Variants in ASAH1 observed in about 807,000 individuals in gnomAD.
The protein encoded by ASAH1 is N-acylsphingosine amidohydrolase 1.
Under a neutral mutation model 59.5 loss-of-function variants are expected in ASAH1, and 70 were observed. The observed-to-expected ratio is 1.18, with a 90% CI of 0.97 to 1.43. The LOEUF (loss-of-function observed/expected upper bound fraction) is 1.43. Among genes scored for constraint, ASAH1 ranks in the 40% most tolerant of loss-of-function variants. The pLI, the probability that ASAH1 is intolerant of heterozygous loss-of-function variation, is 0.00. For missense variants in ASAH1, 660 were observed against 482.5 expected, an observed-to-expected ratio of 1.37 and a Z score of -3.45; for synonymous variants, 213 against 166.5, an observed-to-expected ratio of 1.28 and a Z score of -2.15.
At chr8:18,059,140 A>G in intron 12 of ASAH1, 1 of 800,964 alleles carries the variant, frequency 1.2e-6, no homozygotes, top group East Asian at 2.6e-5. Context: ...GGTATCCAGC[A>G]TTAGAACCAG....
chr8:18,079,204 T>C (rs935402490), intron 1 of ASAH1, among the ~76,000 whole-genome samples: 26 of 140,112 alleles, frequency 1.9e-4, no homozygotes, highest in African/African-American at 7.0e-4. Flanking sequence ...AGCCGGGAGG[T>C]GGAAGTTGCA....
chr8:18,069,059 T>G (rs1800049170), intron 4 of ASAH1, among the ~76,000 whole-genome samples: 2 of 149,430 alleles, frequency 1.3e-5, no homozygotes, highest in South Asian at 4.2e-4. Context: ...AAGGATCCCT[T>G]GAGCCTGGGA....
chr8:18,063,602 A>G (rs961059632), intron 6 of ASAH1: 2 of 208,826 alleles, frequency 9.6e-6, no homozygotes, highest in Non-Finnish European at 1.9e-5. Flanking sequence ...TACAGGTGTA[A>G]GCCACTGTGC....
rs1800156749 is a variant in ASAH1, at chr8:18,071,234, T to C, written c.216+66A>G. Reference sequence around the variant, plus strand: ...AACAAAAAAAAAATCAATCAATAAATAAAAATAAAGAAATAAAATAAAAAA... The same window carrying C: ...AACAAAAAAAAAATCAATCAATAAACAAAAATAAAGAAATAAAATAAAAAA... On this transcript the variant is annotated intron_variant, in intron 3 of 13. Coordinates refer to ENST00000637790, the MANE Select transcript of ASAH1 (RefSeq NM_177924.5). 7.0e-6 allele frequency: 6 copies of C among 863,252 alleles called. No individual in the cohort carries two copies. The South Asian group carries it at 9.5e-5, about 14-fold the overall frequency. 53.5% of individuals were successfully genotyped at this position (863,252 alleles called of 1,614,324 possible).
chr8:18,062,511 GCTTT>G (rs1799749603), intron 7 of ASAH1, 88 bp from the exon 8 acceptor site: 1 of 1,429,828 alleles, frequency 7.0e-7, no homozygotes, highest in Admixed American at 1.7e-5. Context: ...TACACTAGGA[GCTTT>G]ATTTACCGAG....
At chr8:18,069,087 G>C (rs1176598584) in intron 4 of ASAH1, among the ~76,000 whole-genome samples, 2 of 149,252 alleles carry the variant, frequency 1.3e-5, no homozygotes, top group East Asian at 2.0e-4. Flanking sequence ...GCAGCTGTGA[G>C]CTATGATCAT....
At chr8:18,058,642 G>A in intron 13 of ASAH1, 193 bp downstream of exon 13, 1 of 607,856 alleles carries the variant, frequency 1.6e-6, no homozygotes, top group South Asian at 2.0e-5. Context: ...GACCTATCAA[G>A]CCTCAGTGAT....
chr8:18,062,608 A>T, intron 7 of ASAH1, 185 bp from the exon 8 acceptor site: 1 of 658,538 alleles, frequency 1.5e-6, no homozygotes, highest in Non-Finnish European at 2.6e-6. Flanking sequence ...GGTTCAGAGA[A>T]GTCAGGTAAC....
chr8:18,078,458 G>C (rs1193088125), intron 1 of ASAH1, among the ~76,000 whole-genome samples: 1 of 152,166 alleles, frequency 6.6e-6, no homozygotes, highest in African/African-American at 2.4e-5. Context: ...CAGAAAATAA[G>C]AAAGTTGGCA....
upstream of ASAH1, chr8:18,084,708 G>C (rs544358323): frequency 1.5e-5 from 25 of 1,613,774 alleles, no homozygotes; most frequent in Middle Eastern, 1.6e-4. Context: ...CCAAATCCCA[G>C]AATTGAGGCC....
At position 18,059,618 on chromosome 8, in the gene ASAH1, C is replaced by A; in HGVS notation, c.871G>T (p.Gly291Cys). ...FILGGNQSGEGCVITRDRKES... is the reference protein window; with the variant it reads ...FILGGNQSGECCVITRDRKES... ...TTTCTGTCTCGTGTAATCACACAACCTTCCCCAGACTGGTTGCCTCCCAGG... is the reference window on the plus strand; with the variant it reads ...TTTCTGTCTCGTGTAATCACACAACATTCCCCAGACTGGTTGCCTCCCAGG... The change falls in exon 11 of 14, where the codon GGT becomes TGT. Residue 291 changes from glycine to cysteine, a missense_variant. Transcript: ENST00000637790. 1 of 1,614,208 alleles carries A rather than the reference C, an allele frequency of 6.2e-7. No individual in the cohort carries two copies. Among genetic ancestry groups the A allele is most frequent in the Non-Finnish European group, 8.5e-7 (1 of 1,180,036 alleles).
intron 3 of ASAH1, 86 bp downstream of exon 3, chr8:18,071,214 A>AC: frequency 1.3e-6 from 1 of 786,920 alleles, no homozygotes; most frequent in South Asian, 3.4e-5. Flanking sequence ...CTCAAAACAA[A>AC]AAAAAAATCA....
upstream of ASAH1, chr8:18,084,135 C>A (rs1800789243): frequency 6.3e-7 from 1 of 1,576,124 alleles, no homozygotes; most frequent in African/African-American, 1.3e-5. Context: ...GCAGGCCACG[C>A]CCCCTCCGCC....
intron 6 of ASAH1, chr8:18,063,570 C>T (rs545857138): frequency 1.3e-4 from 34 of 253,230 alleles, no homozygotes; most frequent in Non-Finnish European, 1.2e-4. Flanking sequence ...TCGCCCGCCT[C>T]GGCCTCGCAA....
At chr8:18,069,565 T>C (rs779935821) in intron 4 of ASAH1, 34 of 459,360 alleles carry the variant, frequency 7.4e-5, no homozygotes, top group Middle Eastern at 1.2e-3. Flanking sequence ...ATTTGCCCAA[T>C]GTCGTAATGT....
At position 18,081,586 on chromosome 8, in the gene ASAH1, T is replaced by G. The variant is rs1210776984; in HGVS notation, c.78+2395A>C. On this transcript the variant is annotated intron_variant, in intron 1 of 13. Transcript: ENST00000637790. ...TCTTCACCATCATCTCTTAATAGAC[T>G]CCTAAAAAATTCAATAATGAAGAAT... is the stretch of plus-strand genomic sequence containing the variant. Among the ~76,000 whole-genome samples the G allele has an allele frequency of 3.3e-5, 5 of 152,092 alleles. No homozygotes were observed. In the East Asian group the frequency reaches 7.7e-4, roughly 23 times the overall value.
chr8:18,076,353 T>C (rs1215373955), intron 1 of ASAH1: 1 of 152,560 alleles, frequency 6.6e-6, no homozygotes, highest in African/African-American at 2.4e-5. Flanking sequence ...TTGCGTTCCT[T>C]GTCAATACCA....
intron 2 of ASAH1, among the ~76,000 whole-genome samples, chr8:18,073,568 G>C (rs1268060295): frequency 6.6e-6 from 1 of 152,212 alleles, no homozygotes; most frequent in Non-Finnish European, 1.5e-5. Context: ...AATGCTGAAT[G>C]GGACTCAGAT....
At chr8:18,062,971 A>G (rs1322641401) in intron 7 of ASAH1, 2 of 546,660 alleles carry the variant, frequency 3.7e-6, no homozygotes, top group East Asian at 3.4e-5. Flanking sequence ...CGCAGGTTCA[A>G]AAAAGTCTCT....
Sources: gnomAD v4.1 joint callset for allele counts (sites outside exome capture counted in the v4.1 genomes callset) on GRCh38, gnomAD v4.1.1 for gene constraint, MANE v1.5 for transcripts, NCBI Gene and HGNC (gene_info 2026-07-23, HGNC 2026-07-21) for gene names.